Variants in RNF144A observed in about 807,000 individuals in gnomAD.
RNF144A encodes E3 ubiquitin-protein ligase RNF144A.
A neutral mutation model predicts 38.7 loss-of-function variants in RNF144A; 11 were observed. That is an observed-to-expected ratio of 0.28 (90% CI 0.18 to 0.47). The LOEUF is 0.47. RNF144A is among the 20% of genes least tolerant of loss of function. The pLI, the probability that RNF144A is intolerant of heterozygous loss-of-function variation, is 0.99. For synonymous variants in RNF144A, 149 were observed against 143.9 expected (o/e 1.04, Z -0.25); for missense variants, 316 against 377.2 (o/e 0.84, Z 1.34).
intron 2 of RNF144A, among the ~76,000 whole-genome samples, chr2:6,960,026 G>A (rs569869252): frequency 4.2e-4 from 64 of 152,290 alleles, no homozygotes; most frequent in South Asian, 1.0e-3. Context: ...CCTGTATTCC[G>A]GAGACCCTCC....
At chr2:7,023,809 C>T (rs760479111) in intron 6 of RNF144A, among the ~76,000 whole-genome samples, 11 of 152,222 alleles carry the variant, frequency 7.2e-5, no homozygotes, top group African/African-American at 1.7e-4. Context: ...CCAGCTCTGA[C>T]CTCAGCTTAA....
intron 6 of RNF144A, among the ~76,000 whole-genome samples, chr2:7,066,810 T>C (rs1414688703): frequency 6.6e-6 from 1 of 152,178 alleles, no homozygotes; most frequent in Non-Finnish European, 1.5e-5. Context: ...CCAGGATATT[T>C]TGGAGACCTA....
At chr2:6,935,208 ACT>A (rs560937672) in intron 1 of RNF144A, among the ~76,000 whole-genome samples, 47 of 152,052 alleles carry the variant, frequency 3.1e-4, no homozygotes, top group Non-Finnish European at 5.4e-4. Flanking sequence ...TCCTGTTACT[ACT>A]TTAGCCATTT....
At chr2:7,045,078 TCGCTCTTGTAG>T (rs1400614951), downstream of RNF144A, among the ~76,000 whole-genome samples, 1 of 152,234 alleles carries the variant, frequency 6.6e-6, no homozygotes, top group Non-Finnish European at 1.5e-5. Flanking sequence ...ATGTATGAGC[TCGCTCTTGTAG>T]ACAAGTAGGA....
rs771191884 is a variant in RNF144A at position 7,024,397 on chromosome 2, G to A, written c.538G>A (p.Ala180Thr). The change falls in exon 7 of 9, where the codon GCG (alanine) becomes ACG (threonine). Residue 180 changes from alanine (A) to threonine (T), a missense_variant. Transcript: ENST00000320892. The part of the protein sequence containing the change: ...SAAFKMEEDD[A>T]PIKRCPKCKV... Reference sequence around the variant, plus strand: ...TGCTTTCAAAATGGAAGAAGATGACGCGCCCATCAAGCGCTGCCCCAAGTG... The same window carrying A: ...TGCTTTCAAAATGGAAGAAGATGACACGCCCATCAAGCGCTGCCCCAAGTG... The A allele has an allele frequency of 1.1e-5, 17 of 1,608,988 alleles. No individual in the cohort carries two copies. The highest frequency in any genetic ancestry group is 1.4e-5 in the Non-Finnish European group (16 of 1,175,632).
chr2:6,934,747 ATATCTAC>A (rs1665457916), intron 1 of RNF144A, among the ~76,000 whole-genome samples: 1 of 152,218 alleles, frequency 6.6e-6, no homozygotes, highest in Admixed American at 6.5e-5. Flanking sequence ...GTATTTAAAG[ATATCTAC>A]ATAGAAGACT....
At chr2:7,061,836 T>A (rs1230814301) in intron 6 of RNF144A, among the ~76,000 whole-genome samples, 1 of 152,252 alleles carries the variant, frequency 6.6e-6, no homozygotes, top group Non-Finnish European at 1.5e-5. Context: ...ATATATTATA[T>A]GATAGACATT....
At chr2:7,044,366 T>C (rs1400115131), downstream of RNF144A, among the ~76,000 whole-genome samples, 1 of 152,110 alleles carries the variant, frequency 6.6e-6, no homozygotes, top group African/African-American at 2.4e-5. Flanking sequence ...ACAGCTCTTG[T>C]ATCCTGAGAT....
rs1673170969 is a variant in RNF144A, at chr2:7,043,441, C to T, written c.*3681C>T. 2 of 985,632 alleles carry T rather than the reference C, an allele frequency of 2.0e-6. No individual in the cohort carries two copies. The highest frequency in any genetic ancestry group is 4.7e-5 in the South Asian group (1 of 21,284). 61.1% of individuals were successfully genotyped at this position (985,632 alleles called of 1,614,324 possible). ...GCTTTGTGTGTGTGTCTCAGATTCT[C>T]ATTTATTAGTGAGCACACCTGTGTA... On this transcript the variant is annotated 3_prime_UTR_variant, in exon 9 of 9. Transcript: ENST00000320892.
chr2:7,015,233 C>T (rs1671061105), intron 5 of RNF144A, among the ~76,000 whole-genome samples: 1 of 152,216 alleles, frequency 6.6e-6, no homozygotes, highest in Non-Finnish European at 1.5e-5. Flanking sequence ...TCTGCGCTTA[C>T]TCACCACTGG....
chr2:7,027,150 G>T (rs1407720445), intron 7 of RNF144A, among the ~76,000 whole-genome samples: 1 of 152,158 alleles, frequency 6.6e-6, no homozygotes, highest in African/African-American at 2.4e-5. Flanking sequence ...ACATCCAGGA[G>T]TTATGAATAT....
Position 7,014,858 on chromosome 2 carries a change from G to T in RNF144A, c.301+86G>T, listed in dbSNP as rs1180915152. The T allele has an allele frequency of 1.1e-5, 10 of 925,984 alleles. No homozygotes were observed. In the Middle Eastern group the frequency reaches 1.2e-3, roughly 107 times the overall value. 57.4% of individuals were successfully genotyped at this position (925,984 alleles called of 1,614,324 possible). A position where few individuals can be genotyped will look rare whatever the true frequency, so the allele number is the denominator to read the frequency against. On this transcript the variant is annotated intron_variant, in intron 5 of 8. Coordinates refer to ENST00000320892, the MANE Select transcript of RNF144A (RefSeq NM_014746.6). ...GTGGGGAGTTCTTTTGGTAGATATG[G>T]TTATACAGCATTTGATAGGAGTTAA... is the stretch of plus-strand genomic sequence containing the variant.
rs978507136 is a variant in RNF144A, at chr2:7,020,645, G to C, written c.474G>C (p.Glu158Asp). The C allele has an allele frequency of 1.1e-5, 18 of 1,606,548 alleles. No homozygotes were observed. Among genetic ancestry groups the C allele is most frequent in the Non-Finnish European group, 1.5e-5 (18 of 1,179,984 alleles). Residue 158 changes from glutamate (E) to aspartate (D), a missense_variant, in exon 6 of 9, where the codon GAG (glutamate) becomes GAC (aspartate). Coordinates refer to ENST00000320892, the MANE Select transcript of RNF144A (RefSeq NM_014746.6). Reference protein sequence around the residue: ...ASWHPGQGCPETMPITFLPGE... With the variant: ...ASWHPGQGCPDTMPITFLPGE... ...GGCACCCTGGCCAGGGCTGCCCGGA[G>C]ACCATGCCGATCACCTTCCTCCCCG...
In RNF144A at chr2:7,062,288, A is replaced by G. The variant is rs114994643; in HGVS notation, c.735-5928A>G. 6.0e-3 allele frequency among the ~76,000 whole-genome samples: 915 copies of G among 152,184 alleles called. 12 individuals carry two copies. The highest frequency in any genetic ancestry group is 0.021 in the African/African-American group (865 of 41,500). ...CTTGAGGTCTGGGCTTGAAACTTAC[A>G]TCTTAATTCTGCTGAGTTTTGTGTT... On this transcript the variant is annotated intron_variant, in intron 6 of 6. Coordinates refer to the RNF144A transcript ENST00000432850.
intron 2 of RNF144A, among the ~76,000 whole-genome samples, chr2:6,948,135 C>T (rs935895342): frequency 6.6e-6 from 1 of 152,192 alleles, no homozygotes. Flanking sequence ...TCTGTTGCTC[C>T]CAGCTGCAAG....
rs1669522708 is a variant in RNF144A, at chr2:6,993,438, G to T, written c.-11-3478G>T. Among the ~76,000 whole-genome samples the T allele has an allele frequency of 2.6e-5, 4 of 152,182 alleles. No individual in the cohort carries two copies. The South Asian group carries it at 8.3e-4, about 32-fold the overall frequency. Reference sequence around the variant, plus strand: ...TGTGCCAGGAGGTCACAACAGAGAGGCAGTAAACAGGAAAAGGAGCCCAGA... The same window carrying T: ...TGTGCCAGGAGGTCACAACAGAGAGTCAGTAAACAGGAAAAGGAGCCCAGA... On this transcript the variant is annotated intron_variant, in intron 2 of 8. Transcript: ENST00000320892.
intron 6 of RNF144A, among the ~76,000 whole-genome samples, chr2:7,067,634 A>G (rs1674287915): frequency 6.6e-6 from 1 of 152,164 alleles, no homozygotes; most frequent in Admixed American, 6.5e-5. Context: ...TTAGTGAACA[A>G]AAGGTGACCA....
intron 6 of RNF144A, among the ~76,000 whole-genome samples, chr2:7,057,539 A>G (rs1673787502): frequency 6.6e-6 from 1 of 152,164 alleles, no homozygotes; most frequent in Non-Finnish European, 1.5e-5. Flanking sequence ...CTGATTCTCA[A>G]GTTTTTTTAG....
At chr2:6,996,726 C>G in intron 2 of RNF144A, 190 bp from the exon 3 acceptor site, 1 of 580,516 alleles carries the variant, frequency 1.7e-6, no homozygotes, top group Non-Finnish European at 3.1e-6. Flanking sequence ...GTACTCCAAC[C>G]TGGACGACAG....
Sources: gnomAD v4.1 joint callset for allele counts (sites outside exome capture counted in the v4.1 genomes callset) on GRCh38, gnomAD v4.1.1 for gene constraint, MANE v1.5 for transcripts, NCBI Gene and HGNC (gene_info 2026-07-23, HGNC 2026-07-21) for gene names.